GTPBP1: variants seen among roughly 807,000 people sequenced by gnomAD.
GTPBP1 encodes the protein GTP-binding protein 1.
GTPBP1 carries 23 observed loss-of-function variants against 62.0 expected under a neutral mutation model. That is an observed-to-expected ratio of 0.37 (90% CI 0.27 to 0.53). GTPBP1 has a LOEUF of 0.53. Among genes scored for constraint, GTPBP1 ranks in the 20% least tolerant of loss-of-function variants. The probability of loss-of-function intolerance (pLI) is 0.89; values close to 1 mark genes in which losing one functional copy is unlikely to be tolerated. For synonymous variants in GTPBP1, 344 were observed against 364.4 expected (o/e 0.94, Z 0.64); for missense variants, 640 against 917.3 (o/e 0.70, Z 3.90).
At chr22:38,741,674 T>G, downstream of GTPBP1, 2 of 1,090,236 alleles carry the variant, frequency 1.8e-6, no homozygotes, top group Non-Finnish European at 2.7e-6. Context: ...GTCTGTTTGC[T>G]TCCAGAGCCC....
downstream of GTPBP1, chr22:38,739,494 G>A (rs573052777): frequency 4.7e-4 from 725 of 1,555,224 alleles, no homozygotes; most frequent in South Asian, 5.6e-4. The surrounding 1 kb of genome is among the most constrained non-coding windows in gnomAD (Gnocchi z 6.7). Flanking sequence ...CCTCGTGGCC[G>A]TGGGCCAAGG....
chr22:38,721,238 C>T (rs2092699015), intron 4 of GTPBP1, among the ~76,000 whole-genome samples: 1 of 152,188 alleles, frequency 6.6e-6, no homozygotes, highest in Admixed American at 6.5e-5. Flanking sequence ...TGCCACCACG[C>T]CTGGCTAATT....
In GTPBP1 at chr22:38,730,578, C is replaced by G; in HGVS notation, c.1918-34C>G. On this transcript the variant is annotated intron_variant, in intron 11 of 11. Coordinates refer to ENST00000216044, the MANE Select transcript of GTPBP1 (RefSeq NM_004286.5). This position sits in a 1 kb window ranked among gnomAD's most constrained non-coding sequence, Gnocchi z 5.6. ...GCTCTCTGGCCCTGCTCCTGATGGG[C>G]CAGTGCTTCTCAAGCTCCTTCTCTC... is the stretch of plus-strand genomic sequence containing the variant. 1 of 1,396,636 alleles carries G rather than the reference C, an allele frequency of 7.2e-7. No individual in the cohort carries two copies. The highest frequency in any genetic ancestry group is 1.2e-5 in the South Asian group (1 of 86,888). The allele number at this position is 1,396,636 out of a possible 1,614,324, so 86.5% of individuals were successfully genotyped here. A position where few individuals can be genotyped will look rare whatever the true frequency, so the allele number is the denominator to read the frequency against.
downstream of GTPBP1, chr22:38,736,504 C>A (rs1009629943): frequency 2.8e-6 from 2 of 710,118 alleles, no homozygotes; most frequent in African/African-American, 3.6e-5. Flanking sequence ...CCCTGGGGCT[C>A]TGAAGAGAAC....
intron 10 of GTPBP1, chr22:38,729,176 A>C: frequency 3.4e-6 from 1 of 295,140 alleles, no homozygotes; most frequent in South Asian, 1.2e-4. Flanking sequence ...CTGCAGGAAT[A>C]GTAGCTGCAG....
rs1389113259 is a variant in GTPBP1 at position 38,716,917 on chromosome 22, A to G, written c.751A>G (p.Ile251Val). 6.2e-7 allele frequency: 1 copy of G among 1,614,032 alleles called. No individual in the cohort carries two copies. The highest frequency in any genetic ancestry group is 8.5e-7 in the Non-Finnish European group (1 of 1,179,970). Residue 251 changes from isoleucine to valine, a missense_variant, in exon 4 of 12, where the codon ATC (isoleucine) becomes GTC (valine). This residue lies in a region of GTPBP1 where 88 missense variants were observed against 217.0 expected (regional missense o/e 0.41). Transcript: ENST00000216044. This position sits in a 1 kb window ranked among gnomAD's most constrained non-coding sequence, Gnocchi z 5.2. ...GAAGTCCACGAAAGTCATTACCTTC[A>G]TCGACTTGGCTGGTCATGAGAAGTA... The part of the protein sequence containing the change: ...CEKSTKVITF[I>V]DLAGHEKYLK...
downstream of GTPBP1, chr22:38,739,288 A>C: frequency 6.3e-7 from 1 of 1,576,964 alleles, no homozygotes; most frequent in Non-Finnish European, 8.7e-7. The surrounding 1 kb of genome is among the most constrained non-coding windows in gnomAD (Gnocchi z 6.7). Context: ...ATGCCAGGGG[A>C]CCGGCCATTG....
chr22:38,718,665 C>T (rs533870986), intron 4 of GTPBP1, among the ~76,000 whole-genome samples: 14 of 152,196 alleles, frequency 9.2e-5, no homozygotes, highest in South Asian at 8.3e-4. Flanking sequence ...ACTCAGTGGG[C>T]GTCTCCGTGA....
chr22:38,737,591 C>T (rs1310418064), downstream of GTPBP1, among the ~76,000 whole-genome samples: 1 of 152,168 alleles, frequency 6.6e-6, no homozygotes, highest in Non-Finnish European at 1.5e-5. The surrounding 1 kb of genome is among the most constrained non-coding windows in gnomAD (Gnocchi z 4.1). Flanking sequence ...CCTCTTCCTG[C>T]CACTGTCCCT....
chr22:38,739,030 G>C (rs1569295327), downstream of GTPBP1: 9 of 1,561,010 alleles, frequency 5.8e-6, no homozygotes, highest in Non-Finnish European at 7.8e-6. This position sits in a 1 kb window ranked among gnomAD's most constrained non-coding sequence, Gnocchi z 6.7. Flanking sequence ...CCGCACGGGA[G>C]GAGGGCCCCG....
downstream of GTPBP1, chr22:38,738,453 C>A: frequency 7.8e-7 from 1 of 1,287,254 alleles, no homozygotes; most frequent in South Asian, 1.4e-5. This position sits in a 1 kb window ranked among gnomAD's most constrained non-coding sequence, Gnocchi z 6.6. Context: ...TGCTGTCTCC[C>A]ACCCTAGCTC....
rs748693877 is a variant in GTPBP1, at chr22:38,716,621, C to G, written c.486-31C>G. ...TCCACCTCACTCATTCACTAACTCT[C>G]ACATAGATGTATGGGTTCATCTACA... On this transcript the variant is annotated intron_variant, in intron 3 of 11. Coordinates refer to ENST00000216044, the MANE Select transcript of GTPBP1 (RefSeq NM_004286.5). The surrounding 1 kb of genome is among the most constrained non-coding windows in gnomAD (Gnocchi z 5.2). The G allele has an allele frequency of 1.1e-5, 16 of 1,504,298 alleles. No individual in the cohort carries two copies. The highest frequency in any genetic ancestry group is 1.5e-5 in the Non-Finnish European group (16 of 1,091,370). 93.2% of individuals were successfully genotyped at this position (1,504,298 alleles called of 1,614,324 possible). A position where few individuals can be genotyped will look rare whatever the true frequency, so the allele number is the denominator to read the frequency against.
chr22:38,709,273 C>T (rs2092624468), intron 2 of GTPBP1, among the ~76,000 whole-genome samples: 1 of 151,418 alleles, frequency 6.6e-6, no homozygotes. Flanking sequence ...GCCTAGGCGA[C>T]AAGAGTGAAA....
At chr22:38,741,432 G>A, downstream of GTPBP1, 1 of 1,536,612 alleles carries the variant, frequency 6.5e-7, no homozygotes, top group Non-Finnish European at 9.0e-7. Flanking sequence ...GGGGTCCGAG[G>A]TGAACATGTT....
intron 2 of GTPBP1, among the ~76,000 whole-genome samples, chr22:38,713,541 A>C (rs2092652045): frequency 6.6e-6 from 1 of 152,180 alleles, no homozygotes; most frequent in African/African-American, 2.4e-5. Context: ...TAGAATCATC[A>C]GGACTGGACT....
chr22:38,740,461 C>T (rs765630499), downstream of GTPBP1: 18 of 1,445,444 alleles, frequency 1.2e-5, no homozygotes, highest in South Asian at 2.3e-4. This position sits in a 1 kb window ranked among gnomAD's most constrained non-coding sequence, Gnocchi z 4.8. Context: ...GAGTAAGCCT[C>T]GGATCTCTTT....
At position 38,705,990 on chromosome 22, in the gene GTPBP1, C is replaced by T. The variant is rs1185827109; in HGVS notation, c.35C>T (p.Ser12Leu). The T allele has an allele frequency of 9.6e-6, 14 of 1,457,900 alleles. No homozygotes were observed. The highest frequency in any genetic ancestry group is 2.4e-5 in the Admixed American group (1 of 42,424). 90.3% of individuals were successfully genotyped at this position (1,457,900 alleles called of 1,614,324 possible). ...ATERSRSAMD[S>L]PVPASMFAPE... ...GAGCGCAGTCGCTCCGCGATGGACT[C>T]GCCGGTCCCGGCCTCTATGTTCGCC... The change falls in exon 1 of 12, where the codon TCG becomes TTG. Residue 12 changes from serine (S) to leucine (L), a missense_variant. Ser to Leu is a moderately radical substitution (Grantham distance 145). Around this residue, in one of 4 missense-constraint regions of GTPBP1, gnomAD observed 215 missense variants for 235.1 expected, o/e 0.91. Coordinates refer to ENST00000216044, the MANE Select transcript of GTPBP1 (RefSeq NM_004286.5).
intron 5 of GTPBP1, chr22:38,722,919 A>G: frequency 9.1e-7 from 1 of 1,093,792 alleles, no homozygotes; most frequent in Non-Finnish European, 1.4e-6. Context: ...ATTGACGCTC[A>G]AGTGCTTGAT....
chr22:38,739,156 G>T, downstream of GTPBP1: 1 of 907,792 alleles, frequency 1.1e-6, no homozygotes, highest in Non-Finnish European at 1.7e-6. This position sits in a 1 kb window ranked among gnomAD's most constrained non-coding sequence, Gnocchi z 6.7. Context: ...CCCTGGCCCA[G>T]GATGGTACTC....
Sources: gnomAD v4.1 joint callset for allele counts (sites outside exome capture counted in the v4.1 genomes callset) on GRCh38, gnomAD v4.1.1 for gene constraint, gnomAD v4.1.1 regional missense constraint, Gnocchi (gnomAD v3.1) non-coding constraint, MANE v1.5 for transcripts, NCBI Gene and HGNC (gene_info 2026-07-23, HGNC 2026-07-21) for gene names.